Variants in LCLAT1 observed in about 807,000 individuals in gnomAD.
The protein encoded by LCLAT1 is lysocardiolipin acyltransferase 1.
In LCLAT1, 11 loss-of-function variants were observed where a neutral mutation model predicts 30.7. That is an observed-to-expected ratio of 0.36 (90% CI 0.23 to 0.59). The LOEUF is 0.59. Among genes scored for constraint, LCLAT1 ranks in the 20% least tolerant of loss-of-function variants. The pLI is 0.77. For synonymous variants in LCLAT1, 155 were observed against 151.3 expected, an observed-to-expected ratio of 1.02 and a Z score of -0.18; for missense variants, 402 against 458.6, an observed-to-expected ratio of 0.88 and a Z score of 1.13.
rs1669223737 is a variant in LCLAT1, at chr2:30,640,148, T to G, written c.660T>G (p.Thr220=). 6.2e-7 allele frequency: 1 copy of G among 1,613,436 alleles called. No homozygotes were observed. The highest frequency in any genetic ancestry group is 1.3e-5 in the African/African-American group (1 of 74,934). ...ACCTTGATGCTGTCCATGATATCAC[T>G]GTGGCGTATCCTCACAACATTCCTC... ...GKNLDAVHDI[T]VAYPHNIPQS... Residue 220 remains threonine (T), a synonymous_variant, in exon 6 of 6, where the codon ACT becomes ACG. Transcript: ENST00000379509.
chr2:30,640,666 G>C lies in LCLAT1; in HGVS notation c.*47G>C. 2.0e-6 allele frequency: 3 copies of C among 1,521,268 alleles called. No individual in the cohort carries two copies. Among genetic ancestry groups the C allele is most frequent in the Non-Finnish European group, 1.8e-6 (2 of 1,139,452 alleles). 94.2% of individuals were successfully genotyped at this position (1,521,268 alleles called of 1,614,324 possible). A position where few individuals can be genotyped will look rare whatever the true frequency, so the allele number is the denominator to read the frequency against. On this transcript the variant is annotated 3_prime_UTR_variant, in exon 6 of 6. Transcript: ENST00000379509. ...AAAACCTAGAGCATATTTTGGAAAT[G>C]TTCTAAACCTTTCTAAGCTCAGATG... is the stretch of plus-strand genomic sequence containing the variant.
chr2:30,521,539 C>T (rs1300501826), intron 1 of LCLAT1, among the ~76,000 whole-genome samples: 1 of 102,894 alleles, frequency 9.7e-6, no homozygotes. Flanking sequence ...GAGGGAGTCT[C>T]ACTCTGTCAC....
At chr2:30,491,558 T>G (rs925549186) in intron 1 of LCLAT1, among the ~76,000 whole-genome samples, 2 of 152,230 alleles carry the variant, frequency 1.3e-5, no homozygotes, top group Non-Finnish European at 2.9e-5. Context: ...TTGCTGTATT[T>G]CTGACTCTCA....
chr2:30,514,089 C>T (rs1328392318), intron 1 of LCLAT1, among the ~76,000 whole-genome samples: 1 of 152,204 alleles, frequency 6.6e-6, no homozygotes, highest in South Asian at 2.1e-4. Flanking sequence ...TATAGGTTCT[C>T]TTAGCTCTCT....
At chr2:30,516,361 C>T (rs1273771304) in intron 1 of LCLAT1, among the ~76,000 whole-genome samples, 2 of 152,202 alleles carry the variant, frequency 1.3e-5, no homozygotes. Context: ...GCAGACCCGC[C>T]ATTGACTTTC....
At chr2:30,520,550 C>T (rs1329489647) in intron 1 of LCLAT1, among the ~76,000 whole-genome samples, 1 of 152,134 alleles carries the variant, frequency 6.6e-6, no homozygotes, top group Non-Finnish European at 1.5e-5. Context: ...AGTTCCTTAA[C>T]CCCTTGCTGC....
intron 4 of LCLAT1, among the ~76,000 whole-genome samples, chr2:30,564,888 A>G (rs1183618050): frequency 6.6e-6 from 1 of 152,186 alleles, no homozygotes; most frequent in African/African-American, 2.4e-5. Context: ...ATTGTTGGTT[A>G]TAACTTTTTA....
At chr2:30,601,287 A>T (rs991093798) in intron 5 of LCLAT1, among the ~76,000 whole-genome samples, 3 of 152,176 alleles carry the variant, frequency 2.0e-5, no homozygotes, top group African/African-American at 7.2e-5. Context: ...TGATATTTAT[A>T]ACAAGGGTTT....
At chr2:30,529,368 C>T (rs947976286) in intron 2 of LCLAT1, among the ~76,000 whole-genome samples, 2 of 152,238 alleles carry the variant, frequency 1.3e-5, no homozygotes, top group African/African-American at 4.8e-5. Flanking sequence ...TCTAACCTAA[C>T]TCTGTGGGCA....
chr2:30,589,917 A>G (rs1666616979), intron 5 of LCLAT1, among the ~76,000 whole-genome samples: 1 of 152,054 alleles, frequency 6.6e-6, no homozygotes, highest in African/African-American at 2.4e-5. Context: ...TGAAAAGGGT[A>G]AATCAAAGCA....
At chr2:30,489,892 G>A (rs147891621) in intron 1 of LCLAT1, among the ~76,000 whole-genome samples, 6 of 152,280 alleles carry the variant, frequency 3.9e-5, no homozygotes, top group Non-Finnish European at 4.4e-5. Context: ...CTTCACGTGA[G>A]GCACTTGTGT....
rs948395836 is a variant in LCLAT1, at chr2:30,641,357, A to T, written c.*738A>T. The T allele has an allele frequency of 1.5e-4, 23 of 152,164 alleles. No individual in the cohort carries two copies. The highest frequency in any genetic ancestry group is 3.9e-4 in the Admixed American group (6 of 15,286). The allele number at this position is 152,164 out of a possible 1,614,324, so 9.4% of individuals were successfully genotyped here. ...TTTAAGTTCCTTTCTCACACTCAGTATTGCATGCTTAGTGCTGGTTTTCTT... is the reference window on the plus strand; with the variant it reads ...TTTAAGTTCCTTTCTCACACTCAGTTTTGCATGCTTAGTGCTGGTTTTCTT... On this transcript the variant is annotated 3_prime_UTR_variant, in exon 6 of 6. Transcript: ENST00000379509.
intron 1 of LCLAT1, chr2:30,476,392 G>C: frequency 2.2e-6 from 1 of 456,632 alleles, no homozygotes; most frequent in Non-Finnish European, 4.4e-6. Context: ...AGTTTCATCT[G>C]TCTTTACAGC....
intron 5 of LCLAT1, among the ~76,000 whole-genome samples, chr2:30,582,318 C>T (rs1467187381): frequency 6.6e-6 from 1 of 151,800 alleles, no homozygotes; most frequent in African/African-American, 2.4e-5. Flanking sequence ...GATCAGTGAA[C>T]TTCTACAGGA....
At chr2:30,559,878 TG>T (rs1326951985) in intron 3 of LCLAT1, among the ~76,000 whole-genome samples, 1 of 152,244 alleles carries the variant, frequency 6.6e-6, no homozygotes, top group African/African-American at 2.4e-5. Flanking sequence ...TTGATATTAT[TG>T]TAACTTGTTA....
intron 5 of LCLAT1, among the ~76,000 whole-genome samples, chr2:30,616,975 T>G (rs759957007): frequency 1.6e-4 from 24 of 152,166 alleles, no homozygotes; most frequent in Admixed American, 6.5e-4. Flanking sequence ...ATATTACAGA[T>G]TTGTGATATC....
chr2:30,470,915 CTTTTTTT>C (rs35399245), intron 1 of LCLAT1, among the ~76,000 whole-genome samples: 1 of 135,766 alleles, frequency 7.4e-6, no homozygotes, highest in Non-Finnish European at 1.6e-5. Context: ...TTTATTCATT[CTTTTTTT>C]TTTTTTTTTG....
At position 30,462,445 on chromosome 2, in the gene LCLAT1, T is replaced by TTCAC. The variant is rs1305683352; in HGVS notation, c.-5+15063_-5+15064insCACT. Among the ~76,000 whole-genome samples the TTCAC allele has an allele frequency of 7.9e-5, 12 of 152,332 alleles. 1 individual carries two copies. The East Asian group carries it at 1.5e-3, about 20-fold the overall frequency. On this transcript the variant is annotated intron_variant, in intron 1 of 5. Transcript: ENST00000379509. ...TTCACTAAGCAGGTGTATCTTGAGC[T>TTCAC]TAGCATTGAAGAGATGGTAGGATTT...
At chr2:30,617,525 G>A (rs1478622013) in intron 5 of LCLAT1, among the ~76,000 whole-genome samples, 1 of 152,090 alleles carries the variant, frequency 6.6e-6, no homozygotes, top group African/African-American at 2.4e-5. Flanking sequence ...ATTTGTATGG[G>A]CATATATTTT....
Sources: gnomAD v4.1 joint callset for allele counts (sites outside exome capture counted in the v4.1 genomes callset) on GRCh38, gnomAD v4.1.1 for gene constraint, MANE v1.5 for transcripts, NCBI Gene and HGNC (gene_info 2026-07-23, HGNC 2026-07-21) for gene names.